EPHA5: variants seen among roughly 807,000 people sequenced by gnomAD.
EPHA5 encodes ephrin type-A receptor 5.
In EPHA5, 60 loss-of-function variants were observed where a neutral mutation model predicts 105.0. The observed-to-expected ratio is 0.57, with a 90% CI of 0.46 to 0.71. The LOEUF (loss-of-function observed/expected upper bound fraction) is 0.71, where lower values mean the gene tolerates loss of function less well. Ranked by LOEUF, EPHA5 falls within the 30% of genes least tolerant of loss-of-function variation. The probability of loss-of-function intolerance (pLI) is 0.00; values close to 1 mark genes in which losing one functional copy is unlikely to be tolerated. For missense variants in EPHA5, 1,218 were observed against 1,274.7 expected (o/e 0.96, Z 0.68); for synonymous variants, 513 against 449.1 (o/e 1.14, Z -1.80).
At chr4:65,409,346 AAAAT>A (rs373265971) in intron 7 of EPHA5, among the ~76,000 whole-genome samples, 7 of 134,212 alleles carry the variant, frequency 5.2e-5, no homozygotes, top group East Asian at 2.2e-4. Flanking sequence ...ATAATAATAA[AAAAT>A]AAATAAATAA....
In EPHA5 at chr4:65,335,970, G is replaced by A. The variant is rs765467498; in HGVS notation, c.2751C>T (p.Asn917=). ...TAACCAGCGTCTTCAGACTACTTGG[G>A]TTACGTATCAGCTTGTCCAACATGT... ...IVNMLDKLIR[N]PSSLKTLVNA... Residue 917 remains asparagine, a synonymous_variant, in exon 15 of 17, where the codon AAC becomes AAT. Coordinates refer to ENST00000613740, the MANE Select transcript of EPHA5 (RefSeq NM_001281766.3). 6.2e-7 allele frequency: 1 copy of A among 1,612,602 alleles called. No homozygotes were observed. Among genetic ancestry groups the A allele is most frequent in the East Asian group, 2.2e-5 (1 of 44,774 alleles).
intron 5 of EPHA5, among the ~76,000 whole-genome samples, chr4:65,488,460 C>T (rs1731091407): frequency 6.6e-6 from 1 of 152,114 alleles, no homozygotes; most frequent in South Asian, 2.1e-4. Context: ...AGGTTTCAAG[C>T]CAATATTTTT....
chr4:65,493,588 C>T (rs1174441366), intron 4 of EPHA5, among the ~76,000 whole-genome samples: 3 of 152,086 alleles, frequency 2.0e-5, no homozygotes, highest in East Asian at 3.9e-4. Context: ...TACATAAGTC[C>T]TAATTTTTTA....
chr4:65,665,228 T>C (rs1336822219), intron 1 of EPHA5, among the ~76,000 whole-genome samples: 1 of 151,912 alleles, frequency 6.6e-6, no homozygotes, highest in Admixed American at 6.6e-5. Context: ...GAAAGGTTTC[T>C]ACCAAATGAA....
At position 65,433,854 on chromosome 4, in the gene EPHA5, G is replaced by A. The variant is rs562533478; in HGVS notation, c.1403-13289C>T. On this transcript the variant is annotated intron_variant, in intron 5 of 16. Coordinates refer to ENST00000613740, the MANE Select transcript of EPHA5 (RefSeq NM_001281766.3). ...GCCTAGGCAGGACGGATCACCTGAG[G>A]CCAACATGGCGAAACCCCGTCTCTA... Among the ~76,000 whole-genome samples the A allele has an allele frequency of 3.3e-5, 5 of 152,174 alleles. No homozygotes were observed. The South Asian group carries it at 1.0e-3, about 32-fold the overall frequency.
chr4:65,439,263 T>G (rs1017681291), intron 5 of EPHA5, among the ~76,000 whole-genome samples: 1 of 152,142 alleles, frequency 6.6e-6, no homozygotes, highest in Admixed American at 6.6e-5. Flanking sequence ...AAAACTACTT[T>G]ATATTTTGTA....
intron 6 of EPHA5, among the ~76,000 whole-genome samples, chr4:65,417,541 T>G (rs10030406): frequency 0.1 from 15,434 of 152,084 alleles, 1,505 homozygotes; most frequent in African/African-American, 0.25. Context: ...TATATAAAGA[T>G]TTTTCTGCTT....
chr4:65,552,104 A>T (rs1282372674), intron 3 of EPHA5, among the ~76,000 whole-genome samples: 2 of 152,180 alleles, frequency 1.3e-5, no homozygotes, highest in Non-Finnish European at 2.9e-5. Flanking sequence ...AAGAACCAAT[A>T]TTACTAATAA....
intron 2 of EPHA5, among the ~76,000 whole-genome samples, chr4:65,627,010 C>T (rs1455353392): frequency 6.6e-6 from 1 of 152,102 alleles, no homozygotes; most frequent in Non-Finnish European, 1.5e-5. Context: ...ATCTGGCCAT[C>T]CAACATACCC....
chr4:65,556,104 C>T (rs957170914), intron 3 of EPHA5, among the ~76,000 whole-genome samples: 10 of 152,062 alleles, frequency 6.6e-5, no homozygotes, highest in Non-Finnish European at 1.0e-4. Flanking sequence ...GATCTATACC[C>T]TAGATAAAAT....
At chr4:65,510,021 A>G (rs1316027717) in intron 3 of EPHA5, among the ~76,000 whole-genome samples, 3 of 146,594 alleles carry the variant, frequency 2.0e-5, no homozygotes, top group Non-Finnish European at 4.5e-5. Context: ...ATTTCAGATG[A>G]TACATACTTC....
intron 8 of EPHA5, among the ~76,000 whole-genome samples, chr4:65,372,978 G>A (rs1044909063): frequency 3.3e-5 from 5 of 151,824 alleles, no homozygotes; most frequent in African/African-American, 1.2e-4. Context: ...TATTTTCTCT[G>A]TTGAATTCAA....
At chr4:65,458,902 A>G (rs1727863460) in intron 5 of EPHA5, among the ~76,000 whole-genome samples, 1 of 152,080 alleles carries the variant, frequency 6.6e-6, no homozygotes, top group Non-Finnish European at 1.5e-5. Context: ...TTAAGAAGGC[A>G]AGTTAACATA....
chr4:65,633,710 T>C (rs936689004), intron 2 of EPHA5, among the ~76,000 whole-genome samples: 1 of 151,974 alleles, frequency 6.6e-6, no homozygotes, highest in African/African-American at 2.4e-5. Flanking sequence ...TTGTGGAAAT[T>C]ATACTGGGAA....
intron 8 of EPHA5, among the ~76,000 whole-genome samples, chr4:65,400,840 A>G (rs899767494): frequency 1.3e-5 from 2 of 152,132 alleles, no homozygotes; most frequent in Admixed American, 6.5e-5. Flanking sequence ...ATAAATTGCC[A>G]ATGAATATTA....
chr4:65,622,700 C>A (rs1057287538), intron 2 of EPHA5, among the ~76,000 whole-genome samples: 19 of 151,830 alleles, frequency 1.3e-4, no homozygotes, highest in African/African-American at 4.1e-4. Context: ...CTTAAGGTAA[C>A]CTTTGAATTT....
chr4:65,556,488 G>A (rs930244668), intron 3 of EPHA5, among the ~76,000 whole-genome samples: 1 of 152,110 alleles, frequency 6.6e-6, no homozygotes, highest in African/African-American at 2.4e-5. Context: ...AAAGCATTGA[G>A]ATATATGGAA....
intron 2 of EPHA5, among the ~76,000 whole-genome samples, chr4:65,622,579 T>C (rs904139688): frequency 3.3e-5 from 5 of 152,246 alleles, no homozygotes; most frequent in Admixed American, 2.6e-4. Flanking sequence ...ACCAAATTTG[T>C]TCAATTTAAT....
intron 7 of EPHA5, among the ~76,000 whole-genome samples, chr4:65,406,786 A>G (rs1722401366): frequency 6.6e-6 from 1 of 152,136 alleles, no homozygotes; most frequent in Non-Finnish European, 1.5e-5. Flanking sequence ...TAACATGTTT[A>G]AAATTGGCCC....
Sources: gnomAD v4.1 joint callset for allele counts (sites outside exome capture counted in the v4.1 genomes callset) on GRCh38, gnomAD v4.1.1 for gene constraint, MANE v1.5 for transcripts, NCBI Gene and HGNC (gene_info 2026-07-23, HGNC 2026-07-21) for gene names.